DLG2: variants seen among roughly 807,000 people sequenced by gnomAD.
DLG2 encodes discs large MAGUK scaffold protein 2.
Under a neutral mutation model 132.5 loss-of-function variants are expected in DLG2, and 45 were observed. That is an observed-to-expected ratio of 0.34 (90% CI 0.27 to 0.44). The LOEUF is 0.44. DLG2 is among the 20% of genes least tolerant of loss of function. The probability of loss-of-function intolerance (pLI) is 1.00; values close to 1 mark genes in which losing one functional copy is unlikely to be tolerated. For synonymous variants in DLG2, 424 were observed against 419.6 expected, an observed-to-expected ratio of 1.01 and a Z score of -0.13; for missense variants, 1,045 against 1,196.9, an observed-to-expected ratio of 0.87 and a Z score of 1.87.
At chr11:84,185,385 T>C (rs2096254607) in intron 8 of DLG2, among the ~76,000 whole-genome samples, 1 of 152,198 alleles carries the variant, frequency 6.6e-6, no homozygotes, top group Non-Finnish European at 1.5e-5. Flanking sequence ...CTGTTATTTG[T>C]GTATAAGAAT....
intron 3 of DLG2, among the ~76,000 whole-genome samples, chr11:85,489,714 A>T (rs557998825): frequency 6.6e-6 from 1 of 152,300 alleles, no homozygotes; most frequent in Non-Finnish European, 1.5e-5. Flanking sequence ...CATATCAAGT[A>T]TCTTCTCAGA....
chr11:84,592,147 C>T (rs1325795385), intron 6 of DLG2, among the ~76,000 whole-genome samples: 1 of 152,202 alleles, frequency 6.6e-6, no homozygotes, highest in Admixed American at 6.5e-5. Flanking sequence ...TGAACCACGG[C>T]ACCCAGCCAA....
chr11:84,231,656 A>G (rs2154336356), intron 8 of DLG2, among the ~76,000 whole-genome samples: 1 of 152,314 alleles, frequency 6.6e-6, no homozygotes, highest in African/African-American at 2.4e-5. Flanking sequence ...AGGCACCAGT[A>G]AAAACTCTGA....
At chr11:84,145,044 G>C (rs770773299) in intron 9 of DLG2, among the ~76,000 whole-genome samples, 1 of 151,962 alleles carries the variant, frequency 6.6e-6, no homozygotes, top group African/African-American at 2.4e-5. Flanking sequence ...TCCTAAACTC[G>C]TACCCCTGAG....
chr11:83,656,964 CTT>C (rs2072668334), intron 18 of DLG2, among the ~76,000 whole-genome samples: 2 of 152,110 alleles, frequency 1.3e-5, no homozygotes, highest in Non-Finnish European at 2.9e-5. Context: ...CCTACAAGGC[CTT>C]TGTTACCCCC....
In DLG2 at chr11:84,905,640, T is replaced by C. The variant is rs371797490; in HGVS notation, c.357+206021A>G. Reference sequence around the variant, plus strand: ...TTGCCAGCCACCACAGAAGTCTCCATGTGCCTCAGGCCAATCAAACACCCT... The same window carrying C: ...TTGCCAGCCACCACAGAAGTCTCCACGTGCCTCAGGCCAATCAAACACCCT... On this transcript the variant is annotated intron_variant, in intron 6 of 27. Transcript: ENST00000376104. Among the ~76,000 whole-genome samples, 3 of 152,336 alleles carry C rather than the reference T, an allele frequency of 2.0e-5. No homozygotes were observed. The East Asian group carries it at 5.8e-4, about 29-fold the overall frequency.
intron 15 of DLG2, among the ~76,000 whole-genome samples, chr11:83,883,006 T>C (rs1053251334): frequency 1.3e-5 from 2 of 152,202 alleles, no homozygotes; most frequent in African/African-American, 4.8e-5. Flanking sequence ...GTGACAACAG[T>C]TAAATGACGA....
chr11:85,150,918 G>A (rs2077207355), intron 5 of DLG2, among the ~76,000 whole-genome samples: 1 of 152,028 alleles, frequency 6.6e-6, no homozygotes, highest in Non-Finnish European at 1.5e-5. Flanking sequence ...GGATCGTACG[G>A]TATTTCTATT....
At chr11:85,500,901 A>G (rs894494343) in intron 3 of DLG2, among the ~76,000 whole-genome samples, 1 of 152,252 alleles carries the variant, frequency 6.6e-6, no homozygotes, top group East Asian at 1.9e-4. Flanking sequence ...CTTTCTTCAC[A>G]GAATTGGAAA....
intron 11 of DLG2, among the ~76,000 whole-genome samples, chr11:84,009,290 C>T (rs1298555883): frequency 4.6e-5 from 7 of 152,010 alleles, no homozygotes; most frequent in Admixed American, 6.6e-5. Flanking sequence ...AGATGCAAAA[C>T]AAACAAACAC....
At chr11:83,634,479 ATAAACT>A (rs998927414) in intron 18 of DLG2, among the ~76,000 whole-genome samples, 5 of 152,192 alleles carry the variant, frequency 3.3e-5, no homozygotes, top group Non-Finnish European at 7.4e-5. Context: ...TTACCCACAA[ATAAACT>A]TAAAAATGTT....
intron 4 of DLG2, among the ~76,000 whole-genome samples, chr11:85,214,372 G>A (rs1388474377): frequency 2.6e-5 from 4 of 151,942 alleles, no homozygotes; most frequent in African/African-American, 4.8e-5. Flanking sequence ...ACAACACCTC[G>A]CAAAAATCTT....
In DLG2 at chr11:84,695,867, T is replaced by C. The variant is rs545144157; in HGVS notation, c.358-161136A>G. 3.3e-5 allele frequency among the ~76,000 whole-genome samples: 5 copies of C among 151,574 alleles called. No individual in the cohort carries two copies. The East Asian group carries it at 5.8e-4, about 18-fold the overall frequency. ...AAGATTGACCTTACCCTTAAGGAGA[T>C]TGTAACATACTGGGTACTGTTTACT... On this transcript the variant is annotated intron_variant, in intron 6 of 27. Coordinates refer to ENST00000376104, the MANE Select transcript of DLG2 (RefSeq NM_001142699.3).
At chr11:83,644,231 TG>T (rs1222077974) in intron 18 of DLG2, among the ~76,000 whole-genome samples, 1 of 152,180 alleles carries the variant, frequency 6.6e-6, no homozygotes, top group Non-Finnish European at 1.5e-5. Context: ...TGCAGGTACC[TG>T]ACATATGTCT....
At chr11:85,041,028 G>T (rs529944440) in intron 6 of DLG2, among the ~76,000 whole-genome samples, 6 of 151,888 alleles carry the variant, frequency 4.0e-5, no homozygotes, top group Non-Finnish European at 8.8e-5. Flanking sequence ...CATACAGTTT[G>T]GGGTCTTTAG....
At chr11:83,817,877 AAAAT>A (rs929462351) in intron 17 of DLG2, among the ~76,000 whole-genome samples, 4 of 152,346 alleles carry the variant, frequency 2.6e-5, no homozygotes, top group South Asian at 2.1e-4. Context: ...CTCTAATTAA[AAAAT>A]AAATAAATAA....
chr11:84,654,753 T>G (rs1594969946), intron 6 of DLG2, among the ~76,000 whole-genome samples: 1 of 152,330 alleles, frequency 6.6e-6, no homozygotes, highest in East Asian at 1.9e-4. Context: ...ACACCAAGCC[T>G]TTGCTTCATC....
intron 6 of DLG2, among the ~76,000 whole-genome samples, chr11:85,084,037 A>G (rs927829072): frequency 2.0e-5 from 3 of 152,292 alleles, no homozygotes; most frequent in Admixed American, 1.3e-4. Flanking sequence ...CAAGAATTAT[A>G]GACACAGAAT....
chr11:85,384,847 C>T (rs1565411428), intron 3 of DLG2, among the ~76,000 whole-genome samples: 1 of 152,202 alleles, frequency 6.6e-6, no homozygotes, highest in East Asian at 1.9e-4. Flanking sequence ...GCTGGGATTA[C>T]AGGCGTGAGC....
Sources: gnomAD v4.1 joint callset for allele counts (sites outside exome capture counted in the v4.1 genomes callset) on GRCh38, gnomAD v4.1.1 for gene constraint, MANE v1.5 for transcripts, NCBI Gene and HGNC (gene_info 2026-07-23, HGNC 2026-07-21) for gene names.